CTNNA3: variants seen among roughly 807,000 people sequenced by gnomAD.
CTNNA3 encodes the protein catenin alpha 3.
Under a neutral mutation model 95.7 loss-of-function variants are expected in CTNNA3, and 76 were observed. The observed-to-expected ratio is 0.79, with a 90% CI of 0.66 to 0.96. The LOEUF (loss-of-function observed/expected upper bound fraction) is 0.96. CTNNA3 is among the 40% of genes least tolerant of loss of function. CTNNA3 has a pLI of 0.00. For synonymous variants in CTNNA3, 431 were observed against 374.4 expected (o/e 1.15, Z -1.74); for missense variants, 1,191 against 1,089.8 (o/e 1.09, Z -1.31).
intron 7 of CTNNA3, among the ~76,000 whole-genome samples, chr10:66,815,824 G>C (rs1434071070): frequency 2.0e-5 from 3 of 152,178 alleles, no homozygotes; most frequent in Non-Finnish European, 2.9e-5. Flanking sequence ...ACAATTGGTT[G>C]CTAGCCCTAC....
intron 15 of CTNNA3, among the ~76,000 whole-genome samples, chr10:66,045,702 C>T (rs1464241933): frequency 2.0e-5 from 3 of 152,082 alleles, no homozygotes; most frequent in Admixed American, 1.3e-4. Flanking sequence ...GCTAAATTTC[C>T]TTTTTGGTTA....
chr10:66,869,198 T>C (rs2132434676), intron 7 of CTNNA3, among the ~76,000 whole-genome samples: 1 of 152,328 alleles, frequency 6.6e-6, no homozygotes, highest in East Asian at 1.9e-4. Context: ...GCCTGATTTA[T>C]ATTTTTTGTC....
chr10:65,933,713 C>T (rs191887209), intron 17 of CTNNA3, among the ~76,000 whole-genome samples: 1 of 152,222 alleles, frequency 6.6e-6, no homozygotes, highest in Admixed American at 6.5e-5. Context: ...CCTGTCTTAC[C>T]CATTTAATAA....
chr10:66,912,801 T>G (rs1846277120), intron 7 of CTNNA3, among the ~76,000 whole-genome samples: 1 of 152,016 alleles, frequency 6.6e-6, no homozygotes, highest in African/African-American at 2.4e-5. Flanking sequence ...CATAAATAAA[T>G]GAACACACGG....
chr10:67,683,678 T>C (rs779911086), intron 1 of CTNNA3, among the ~76,000 whole-genome samples: 3 of 152,258 alleles, frequency 2.0e-5, no homozygotes, highest in Non-Finnish European at 4.4e-5. Flanking sequence ...GTTCTTGATC[T>C]CACTGACTTC....
At chr10:66,942,576 CTGTG>C (rs1189059770) in intron 7 of CTNNA3, among the ~76,000 whole-genome samples, 1 of 140,258 alleles carries the variant, frequency 7.1e-6, no homozygotes, top group Non-Finnish European at 1.5e-5. Context: ...CTCTCTCTCT[CTGTG>C]TGTGTGTATG....
intron 1 of CTNNA3, among the ~76,000 whole-genome samples, chr10:67,761,430 A>G (rs1433218479): frequency 6.6e-6 from 1 of 152,236 alleles, no homozygotes; most frequent in East Asian, 1.9e-4. Flanking sequence ...CTATAAAAGA[A>G]CAAAGAAATG....
At chr10:65,970,099 C>T (rs1184705308) in intron 16 of CTNNA3, among the ~76,000 whole-genome samples, 1 of 152,050 alleles carries the variant, frequency 6.6e-6, no homozygotes, top group East Asian at 1.9e-4. Flanking sequence ...ATTTATAAGC[C>T]GAGACAGATT....
chr10:66,706,524 G>T (rs1207976337), intron 9 of CTNNA3, among the ~76,000 whole-genome samples: 1 of 151,432 alleles, frequency 6.6e-6, no homozygotes, highest in Non-Finnish European at 1.5e-5. Context: ...ACACCAAACA[G>T]CAGTGGATTA....
At chr10:66,508,026 C>A (rs1027504801) in intron 11 of CTNNA3, among the ~76,000 whole-genome samples, 25 of 151,898 alleles carry the variant, frequency 1.6e-4, no homozygotes, top group African/African-American at 5.8e-4. Context: ...TTTTTTAAAT[C>A]ATTTCCTTTC....
At chr10:66,428,666 C>T (rs1172200843) in intron 11 of CTNNA3, among the ~76,000 whole-genome samples, 2 of 151,764 alleles carry the variant, frequency 1.3e-5, no homozygotes, top group Non-Finnish European at 2.9e-5. Context: ...GGGTACATAA[C>T]GAAATGAAGG....
intron 2 of CTNNA3, among the ~76,000 whole-genome samples, chr10:67,641,473 G>C (rs1399075504): frequency 3.9e-5 from 6 of 152,180 alleles, no homozygotes; most frequent in Non-Finnish European, 4.4e-5. Flanking sequence ...TCTAGAACTA[G>C]AAATACCATT....
chr10:66,619,322 C>T (rs1844653571), intron 10 of CTNNA3, among the ~76,000 whole-genome samples: 1 of 150,512 alleles, frequency 6.6e-6, no homozygotes, highest in Admixed American at 6.7e-5. Flanking sequence ...AAATGTCCAA[C>T]AACGATAGAC....
At chr10:66,479,742 A>G (rs1839450159) in intron 11 of CTNNA3, among the ~76,000 whole-genome samples, 1 of 149,724 alleles carries the variant, frequency 6.7e-6, no homozygotes, top group African/African-American at 2.5e-5. Context: ...CATGCTTATT[A>G]TGACAGTGTT....
chr10:67,099,174 T>C (rs773736047), intron 7 of CTNNA3: 1 of 151,844 alleles, frequency 6.6e-6, no homozygotes, highest in Non-Finnish European at 1.5e-5. Context: ...ATATATTGAT[T>C]ATACAATTGT....
chr10:65,949,469 C>A (rs2077575096), intron 17 of CTNNA3, among the ~76,000 whole-genome samples: 1 of 152,048 alleles, frequency 6.6e-6, no homozygotes, highest in African/African-American at 2.4e-5. Context: ...GTAAAGGACA[C>A]AATGATGCTA....
chr10:66,523,525 T>C (rs2132028218), intron 10 of CTNNA3, among the ~76,000 whole-genome samples: 1 of 152,324 alleles, frequency 6.6e-6, no homozygotes, highest in Admixed American at 6.5e-5. Context: ...ATTTTAGCCA[T>C]ATATCTAGAG....
chr10:66,971,375 G>A (rs530175068), intron 7 of CTNNA3, among the ~76,000 whole-genome samples: 6 of 152,018 alleles, frequency 3.9e-5, no homozygotes, highest in Non-Finnish European at 8.8e-5. Flanking sequence ...GCAGTGAGCC[G>A]AGATCGTGCC....
intron 9 of CTNNA3, among the ~76,000 whole-genome samples, chr10:66,644,490 C>T (rs1216088681): frequency 8.0e-5 from 10 of 124,762 alleles, no homozygotes; most frequent in African/African-American, 9.1e-5. Flanking sequence ...TATATATATA[C>T]ACACATACAC....
Sources: gnomAD v4.1 joint callset for allele counts (sites outside exome capture counted in the v4.1 genomes callset) on GRCh38, gnomAD v4.1.1 for gene constraint, MANE v1.5 for transcripts, NCBI Gene and HGNC (gene_info 2026-07-23, HGNC 2026-07-21) for gene names.